Variants in CACNA1C observed in about 807,000 individuals in gnomAD.
The protein encoded by CACNA1C is voltage-dependent L-type calcium channel subunit alpha-1C.
CACNA1C carries 30 observed loss-of-function variants against 229.0 expected under a neutral mutation model. That is an observed-to-expected ratio of 0.13 (90% confidence interval 0.10 to 0.18). CACNA1C has a LOEUF of 0.18. Among genes scored for constraint, CACNA1C ranks in the 10% least tolerant of loss-of-function variants. The pLI is 1.00. For synonymous variants in CACNA1C, 1,114 were observed against 1,132.5 expected, an observed-to-expected ratio of 0.98 and a Z score of 0.33; for missense variants, 1,658 against 2,845.0, an observed-to-expected ratio of 0.58 and a Z score of 9.49.
At chr12:2,016,012 C>T (rs1593722558) in intron 1 of CACNA1C, among the ~76,000 whole-genome samples, 1 of 152,144 alleles carries the variant, frequency 6.6e-6, no homozygotes, top group South Asian at 2.1e-4. Context: ...TTCAGGTCTC[C>T]GATTTCCAGG....
At chr12:2,155,014 GTTATCGGGAGATGAAAGATTTTTT>G (rs2095485411) in intron 3 of CACNA1C, among the ~76,000 whole-genome samples, 2 of 152,206 alleles carry the variant, frequency 1.3e-5, no homozygotes, top group Non-Finnish European at 2.9e-5. Context: ...TGTGTGTTGA[GTTATCGGGAGATGAAAGATTTTTT>G]TCACTTGGTG....
chr12:2,291,632 G>T (rs1440811994), intron 3 of CACNA1C, among the ~76,000 whole-genome samples: 2 of 152,186 alleles, frequency 1.3e-5, no homozygotes, highest in Non-Finnish European at 2.9e-5. Flanking sequence ...GCAGGATTTG[G>T]CTGTGACGGA....
intron 3 of CACNA1C, among the ~76,000 whole-genome samples, chr12:2,233,754 A>G (rs1484090483): frequency 2.0e-5 from 3 of 152,116 alleles, no homozygotes; most frequent in Non-Finnish European, 2.9e-5. Flanking sequence ...CCCTCTAACC[A>G]ATACTCTCTG....
intron 3 of CACNA1C, among the ~76,000 whole-genome samples, chr12:2,185,564 G>T (rs2096972276): frequency 6.6e-6 from 1 of 152,146 alleles, no homozygotes; most frequent in African/African-American, 2.4e-5. Context: ...GAAGAAACTT[G>T]GACACAGACA....
intron 34 of CACNA1C, 133 bp from the exon 35 acceptor site, chr12:2,664,692 A>C: frequency 1.6e-6 from 1 of 623,650 alleles, no homozygotes; most frequent in Non-Finnish European, 2.6e-6. Context: ...CATTCAGGGA[A>C]TGATGAACAT....
chr12:2,379,625 C>A (rs912041780), intron 3 of CACNA1C, among the ~76,000 whole-genome samples: 2 of 152,072 alleles, frequency 1.3e-5, no homozygotes, highest in African/African-American at 4.8e-5. Context: ...GGGATGCAAG[C>A]CCTGAGACGT....
chr12:2,510,916 C>G (rs2099782307), intron 8 of CACNA1C, among the ~76,000 whole-genome samples: 1 of 152,148 alleles, frequency 6.6e-6, no homozygotes, highest in Admixed American at 6.5e-5. Flanking sequence ...GAAGGCTTAA[C>G]CAGGTACAGG....
intron 3 of CACNA1C, among the ~76,000 whole-genome samples, chr12:2,412,505 G>A (rs996520029): frequency 1.3e-5 from 2 of 152,330 alleles, no homozygotes; most frequent in East Asian, 1.9e-4. Context: ...AGGCGCCCCC[G>A]CGGCCAGAGG....
At chr12:2,093,940 T>C (rs1217093762) in intron 1 of CACNA1C, among the ~76,000 whole-genome samples, 1 of 152,230 alleles carries the variant, frequency 6.6e-6, no homozygotes. Flanking sequence ...ACTGAGTGCA[T>C]AGAGCAGACC....
chr12:1,991,991 C>A (rs1027050180), intron 1 of CACNA1C: 3 of 234,188 alleles, frequency 1.3e-5, no homozygotes, highest in East Asian at 1.3e-4. Flanking sequence ...TCAAAAAAAA[C>A]CCTGACATAA....
At chr12:2,231,259 C>T (rs373125221) in intron 3 of CACNA1C, among the ~76,000 whole-genome samples, 32 of 152,280 alleles carry the variant, frequency 2.1e-4, no homozygotes, top group African/African-American at 7.7e-4. Flanking sequence ...AGTATCTAAG[C>T]CAGTGCTTTT....
At chr12:2,518,027 T>C (rs2099801053) in intron 9 of CACNA1C, among the ~76,000 whole-genome samples, 1 of 152,206 alleles carries the variant, frequency 6.6e-6, no homozygotes, top group Admixed American at 6.5e-5. Context: ...AACCAAAATA[T>C]TGAATTTCCA....
At chr12:2,210,286 G>A (rs1433534084) in intron 3 of CACNA1C, among the ~76,000 whole-genome samples, 1 of 152,178 alleles carries the variant, frequency 6.6e-6, no homozygotes, top group South Asian at 2.1e-4. Flanking sequence ...TTATTTCCCA[G>A]GGCTGTGATA....
intron 3 of CACNA1C, among the ~76,000 whole-genome samples, chr12:2,219,742 C>G (rs1177932206): frequency 6.6e-6 from 1 of 152,194 alleles, no homozygotes; most frequent in Non-Finnish European, 1.5e-5. Flanking sequence ...ACCCTGGAAA[C>G]ACTTGCTTTC....
intron 3 of CACNA1C, among the ~76,000 whole-genome samples, chr12:2,283,452 A>G (rs918887932): frequency 2.0e-5 from 3 of 152,168 alleles, no homozygotes; most frequent in Non-Finnish European, 2.9e-5. Flanking sequence ...AGGGAAGACC[A>G]TGGACCCCTT....
chr12:2,241,643 C>T (rs561722153), intron 3 of CACNA1C, among the ~76,000 whole-genome samples: 2 of 152,268 alleles, frequency 1.3e-5, no homozygotes, highest in East Asian at 1.9e-4. Flanking sequence ...GCATTTTTAA[C>T]CTCACGCCTT....
At chr12:2,273,669 A>G (rs373108082) in intron 3 of CACNA1C, among the ~76,000 whole-genome samples, 4 of 152,234 alleles carry the variant, frequency 2.6e-5, no homozygotes, top group African/African-American at 9.6e-5. Context: ...AACAAAGCTC[A>G]GATAGACGGA....
intron 9 of CACNA1C, among the ~76,000 whole-genome samples, chr12:2,542,782 T>C (rs1052387217): frequency 2.0e-5 from 3 of 152,188 alleles, no homozygotes; most frequent in Non-Finnish European, 4.4e-5. Flanking sequence ...TCTTGAGACA[T>C]AGAAATAGTC....
At chr12:2,240,516 C>T (rs1055015815) in intron 3 of CACNA1C, among the ~76,000 whole-genome samples, 2 of 152,212 alleles carry the variant, frequency 1.3e-5, no homozygotes, top group African/African-American at 4.8e-5. Context: ...GGGGCAGGGC[C>T]TGCACTGAGG....
Sources: gnomAD v4.1 joint callset for allele counts (sites outside exome capture counted in the v4.1 genomes callset) on GRCh38, gnomAD v4.1.1 for gene constraint, MANE v1.5 for transcripts, NCBI Gene and HGNC (gene_info 2026-07-23, HGNC 2026-07-21) for gene names.